Variants in DMD observed in about 807,000 individuals in gnomAD.
The protein encoded by DMD is mutant dystrophin.
Under a neutral mutation model 330.1 loss-of-function variants are expected in DMD, and 63 were observed. The observed-to-expected ratio is 0.19, with a 90% CI of 0.16 to 0.24. The LOEUF is 0.24. DMD is among the 10% of genes least tolerant of loss of function. The pLI, the probability that DMD is intolerant of heterozygous loss-of-function variation, is 1.00. For synonymous variants in DMD, 1,223 were observed against 959.8 expected (o/e 1.27, Z -5.07); for missense variants, 3,344 against 2,684.1 (o/e 1.25, Z -5.43).
intron 44 of DMD, among the ~76,000 whole-genome samples, chrX:32,121,517 T>C (rs1012637525): frequency 1.9e-5 from 2 of 104,590 alleles, no homozygotes; most frequent in Non-Finnish European, 3.9e-5. Flanking sequence ...GACAGGAAGT[T>C]AGGGGACGAC....
At chrX:31,657,591 T>C (rs995115941) in intron 54 of DMD, among the ~76,000 whole-genome samples, 7 of 111,665 alleles carry the variant, frequency 6.3e-5, no homozygotes, top group African/African-American at 2.3e-4. Flanking sequence ...GATGAGACCA[T>C]GTACAGCTAT....
chrX:33,165,556 A>C (rs1295836007), intron 1 of DMD, among the ~76,000 whole-genome samples: 1 of 111,425 alleles, frequency 9.0e-6, no homozygotes, highest in African/African-American at 3.3e-5. Flanking sequence ...AGGTGTGTTT[A>C]GAATATACAG....
At chrX:32,492,162 C>A (rs993754319) in intron 19 of DMD, among the ~76,000 whole-genome samples, 3 of 111,487 alleles carry the variant, frequency 2.7e-5, no homozygotes, top group African/African-American at 6.5e-5. Flanking sequence ...CACGGTGAAA[C>A]CCCGTCTCTA....
chrX:32,933,730 G>A (rs185531381), intron 2 of DMD, among the ~76,000 whole-genome samples: 2 of 111,866 alleles, frequency 1.8e-5, no homozygotes, highest in African/African-American at 6.5e-5. Flanking sequence ...AGGCAGTGAC[G>A]AGAGTGTTAT....
intron 1 of DMD, among the ~76,000 whole-genome samples, chrX:33,317,071 C>A (rs2053943005): frequency 9.1e-6 from 1 of 110,434 alleles, no homozygotes; most frequent in Non-Finnish European, 1.9e-5. Context: ...CGCCAAGTTC[C>A]TTCTAGCAAT....
intron 62 of DMD, among the ~76,000 whole-genome samples, chrX:31,270,448 C>T (rs1246840360): frequency 9.0e-6 from 1 of 111,711 alleles, no homozygotes. Flanking sequence ...TTCAGAGAAG[C>T]CTCCTCTGTA....
chrX:32,151,178 T>C (rs1053341795), intron 44 of DMD, among the ~76,000 whole-genome samples: 1 of 112,078 alleles, frequency 8.9e-6, no homozygotes, highest in Non-Finnish European at 1.9e-5. Context: ...AAAATATTAT[T>C]TTGATTAAAC....
intron 29 of DMD, among the ~76,000 whole-genome samples, chrX:32,432,528 T>A (rs2148135241): frequency 8.9e-6 from 1 of 112,136 alleles, no homozygotes; most frequent in Non-Finnish European, 1.9e-5. Flanking sequence ...GACTTAGCTG[T>A]CCTAGCCCTT....
chrX:33,279,322 G>A (rs1169722921), intron 1 of DMD, among the ~76,000 whole-genome samples: 2 of 111,473 alleles, frequency 1.8e-5, no homozygotes, highest in Non-Finnish European at 3.8e-5. Flanking sequence ...AATGACTTTT[G>A]GGTGAACAAC....
chrX:32,192,551 G>A (rs992293546), intron 44 of DMD, among the ~76,000 whole-genome samples: 60 of 111,786 alleles, frequency 5.4e-4, no homozygotes, highest in African/African-American at 1.9e-3. Context: ...CTCTTAAGTG[G>A]ATATCCTCAA....
At chrX:32,228,104 AT>A (rs2097154903) in intron 43 of DMD, among the ~76,000 whole-genome samples, 1 of 111,638 alleles carries the variant, frequency 9.0e-6, no homozygotes, top group African/African-American at 3.3e-5. Context: ...AACACCGTAA[AT>A]ATCCTTGAGA....
intron 6 of DMD, among the ~76,000 whole-genome samples, chrX:32,809,943 A>AAGAAAG (rs1557048306): frequency 9.5e-5 from 8 of 83,968 alleles, no homozygotes; most frequent in East Asian, 5.2e-4. Context: ...AAAAAAAAAA[A>AAGAAAG]AAAGAAAGAA....
intron 1 of DMD, among the ~76,000 whole-genome samples, chrX:33,025,507 T>A (rs16990844): frequency 0.054 from 5,949 of 110,480 alleles, 423 homozygotes; most frequent in African/African-American, 0.18. Context: ...CTATAAACAC[T>A]AACAATTATT....
intron 49 of DMD, among the ~76,000 whole-genome samples, chrX:31,832,315 A>G (rs1297034681): frequency 8.9e-6 from 1 of 112,291 alleles, no homozygotes; most frequent in Non-Finnish European, 1.9e-5. Flanking sequence ...TGTTAGGCAA[A>G]AAATAAACCC....
chrX:33,060,679 C>CA (rs1003173089), intron 1 of DMD, among the ~76,000 whole-genome samples: 12 of 108,667 alleles, frequency 1.1e-4, no homozygotes, highest in Admixed American at 4.9e-4. Context: ...ACTAAAAATA[C>CA]AAAAAAAATT....
At chrX:32,723,392 C>A (rs370793857) in intron 7 of DMD, among the ~76,000 whole-genome samples, 2 of 111,182 alleles carry the variant, frequency 1.8e-5, no homozygotes, top group Non-Finnish European at 3.8e-5. Context: ...TCTTCTCTTG[C>A]GGTGTCTGTT....
chrX:32,072,646 A>T (rs1336163896), intron 44 of DMD, among the ~76,000 whole-genome samples: 3 of 111,598 alleles, frequency 2.7e-5, no homozygotes, highest in Non-Finnish European at 1.9e-5. Flanking sequence ...ATATACATTA[A>T]GAAAATTTGG....
chrX:33,226,856 C>T (rs2052300257), intron 1 of DMD, among the ~76,000 whole-genome samples: 2 of 109,210 alleles, frequency 1.8e-5, no homozygotes, highest in Admixed American at 2.0e-4. Flanking sequence ...CAGACTCCTG[C>T]CATACGACAC....
At chrX:31,349,125 T>A (rs916140255) in intron 60 of DMD, among the ~76,000 whole-genome samples, 2 of 112,683 alleles carry the variant, frequency 1.8e-5, no homozygotes, top group Non-Finnish European at 3.7e-5. Context: ...TTGATAATTA[T>A]TAATTAACCA....
Sources: allele counts gnomAD v4.1 joint callset (sites outside exome capture counted in the v4.1 genomes callset), GRCh38; gene constraint gnomAD v4.1.1; transcripts MANE v1.5; gene names NCBI Gene and HGNC (gene_info 2026-07-23, HGNC 2026-07-21).